RGL3: variants seen among roughly 807,000 people sequenced by gnomAD.
RGL3 encodes ral guanine nucleotide dissociation stimulator-like 3.
RGL3 carries 85 observed loss-of-function variants against 90.6 expected under a neutral mutation model. That is an observed-to-expected ratio of 0.94 (90% CI 0.79 to 1.12). The LOEUF is 1.12. Among genes scored for constraint, RGL3 ranks in the 50% most tolerant of loss-of-function variants. RGL3 has a pLI of 0.00. For missense variants in RGL3, 1,034 were observed against 939.2 expected (o/e 1.10, Z -1.32); for synonymous variants, 408 against 385.5 (o/e 1.06, Z -0.68).
intron 2 of RGL3, 82 bp downstream of exon 2, chr19:11,418,589 T>A (rs1422468023): frequency 1.8e-6 from 2 of 1,106,012 alleles, no homozygotes; most frequent in East Asian, 5.8e-5. Context: ...CCACTGCACC[T>A]GGCGGCCTGT....
chr19:11,405,496 T>A, intron 7 of RGL3, 70 bp from the exon 8 acceptor site: 1 of 74,728 alleles, frequency 1.3e-5, no homozygotes. Context: ...TTCTTCATCT[T>A]TTTTTTTTTT....
chr19:11,400,257 A>G lies in RGL3; in HGVS notation c.1525T>C (p.Cys509Arg). The G allele has an allele frequency of 6.2e-7, 1 of 1,600,974 alleles. No homozygotes were observed. The highest frequency in any genetic ancestry group is 8.5e-7 in the Non-Finnish European group (1 of 1,173,342). ...SRVIEPPAAS[C>R]PSSPRIRRRI... The stretch of plus-strand genomic sequence containing the variant: ...CGTCGGATGCGTGGGGAGCTGGGGC[A>G]GGAGGCAGCTGGTGGCTCAATGACC... Residue 509 changes from cysteine to arginine, a missense_variant, in exon 14 of 19, where the codon TGC (cysteine) becomes CGC (arginine). Physicochemically the swap from Cys to Arg is radical, Grantham distance 180. Coordinates refer to ENST00000380456, the MANE Select transcript of RGL3 (RefSeq NM_001035223.4).
rs1412395641 is a variant in RGL3, at chr19:11,402,266, T to C, written c.1330-19A>G. On this transcript the variant is annotated intron_variant, in intron 11 of 18. Coordinates refer to ENST00000380456, the MANE Select transcript of RGL3 (RefSeq NM_001035223.4). ...GATCCCCCTGGGGGCAAAGTGTGTC[T>C]GAATTGCAGCACCCAGGGTCAAGGG... The C allele has an allele frequency of 1.9e-6, 3 of 1,612,378 alleles. No individual in the cohort carries two copies. The highest frequency in any genetic ancestry group is 2.5e-6 in the Non-Finnish European group (3 of 1,179,874).
chr19:11,398,344 T>C (rs1313071838), intron 16 of RGL3, among the ~76,000 whole-genome samples: 1 of 152,076 alleles, frequency 6.6e-6, no homozygotes, highest in Non-Finnish European at 1.5e-5. Flanking sequence ...ATTCTTTTCT[T>C]TTTCTTTTCT....
intron 5 of RGL3, among the ~76,000 whole-genome samples, chr19:11,410,180 T>C (rs1438016188): frequency 6.6e-6 from 1 of 151,306 alleles, no homozygotes; most frequent in Non-Finnish European, 1.5e-5. Context: ...TTATTTTTTT[T>C]AGTAGAGATG....
intron 18 of RGL3, among the ~76,000 whole-genome samples, chr19:11,396,091 G>A (rs1400228663): frequency 8.8e-6 from 1 of 113,468 alleles, no homozygotes; most frequent in Admixed American, 1.1e-4. Context: ...ATGCCACCAT[G>A]CTCAGCTAAT....
Position 11,406,574 on chromosome 19 carries a change from G to T in RGL3, c.841C>A (p.Arg281=). 1.9e-6 allele frequency: 3 copies of T among 1,551,392 alleles called. No individual in the cohort carries two copies. In the South Asian group the frequency reaches 3.6e-5, roughly 18 times the overall value. The change falls in exon 7 of 19, where the codon CGG becomes AGG. Residue 281 remains arginine (R), a synonymous_variant. Transcript: ENST00000380456. ...GGGGAGGCGCCTGCAGCCCCCGGCC[G>T]GTCCCTCTGCGACCACACGGAGCCC... ...CLGSVWSQRD[R]PGAAGASPTV...
chr19:11,414,085 A>G (rs1448249782), intron 5 of RGL3, among the ~76,000 whole-genome samples: 7 of 137,378 alleles, frequency 5.1e-5, no homozygotes, highest in Non-Finnish European at 9.3e-5. Flanking sequence ...GCTAGTGGAT[A>G]CCACAGTGAA....
intron 2 of RGL3, 61 bp from the exon 3 acceptor site, chr19:11,417,120 T>A: frequency 8.0e-7 from 1 of 1,250,604 alleles, no homozygotes; most frequent in Non-Finnish European, 1.1e-6. Context: ...ACCCCTTCTC[T>A]AGTCACATTC....
At chr19:11,414,037 C>T (rs1024705832) in intron 5 of RGL3, among the ~76,000 whole-genome samples, 25 of 147,660 alleles carry the variant, frequency 1.7e-4, no homozygotes, top group South Asian at 6.4e-4. Context: ...TGAGCCGCCG[C>T]GCCCAGCCAA....
At chr19:11,417,659 A>G (rs1969027779) in intron 2 of RGL3, among the ~76,000 whole-genome samples, 1 of 151,164 alleles carries the variant, frequency 6.6e-6, no homozygotes, top group South Asian at 2.1e-4. Flanking sequence ...TTTAGTAGAG[A>G]CGGTGTTTCA....
intron 1 of RGL3, 195 bp from the exon 2 acceptor site, chr19:11,418,979 G>C: frequency 1.6e-6 from 1 of 615,246 alleles, no homozygotes. Context: ...AGGTCCTGAG[G>C]ACATGGGGTG....
In RGL3 at chr19:11,399,968, G is replaced by C; in HGVS notation, c.1650-17C>G. On this transcript the variant is annotated splice_polypyrimidine_tract_variant and intron_variant, in intron 15 of 18. Coordinates refer to ENST00000380456, the MANE Select transcript of RGL3 (RefSeq NM_001035223.4). Reference sequence around the variant, plus strand: ...GGGGACACACTGGGGGAGATGCAGAGGCTGAGGTGGGGTGGCTGTGCTGAC... The same window carrying C: ...GGGGACACACTGGGGGAGATGCAGACGCTGAGGTGGGGTGGCTGTGCTGAC... 1 of 1,571,168 alleles carries C rather than the reference G, an allele frequency of 6.4e-7. No individual in the cohort carries two copies. The highest frequency in any genetic ancestry group is 8.6e-7 in the Non-Finnish European group (1 of 1,160,836).
intron 13 of RGL3, among the ~76,000 whole-genome samples, chr19:11,401,002 G>A (rs1968666408): frequency 2.0e-5 from 3 of 151,990 alleles, no homozygotes; most frequent in Non-Finnish European, 2.9e-5. Context: ...TAGTCAAGCT[G>A]GACAGTCAAA....
At chr19:11,415,817 G>T (rs1240259758) in intron 5 of RGL3, 120 bp downstream of exon 5, 2 of 900,778 alleles carry the variant, frequency 2.2e-6, no homozygotes, top group Non-Finnish European at 3.4e-6. Flanking sequence ...AGAAATTGAG[G>T]CTTAGAGTTT....
chr19:11,394,571 C>T, intron 18 of RGL3, 51 bp from the exon 19 acceptor site: 1 of 1,414,642 alleles, frequency 7.1e-7, no homozygotes, highest in Non-Finnish European at 1.0e-6. Context: ...CTTGTGTCAC[C>T]CCCACAGAGG....
intron 2 of RGL3, among the ~76,000 whole-genome samples, chr19:11,417,800 G>C (rs1164130281): frequency 6.6e-6 from 1 of 152,016 alleles, no homozygotes; most frequent in Non-Finnish European, 1.5e-5. Flanking sequence ...TGATTCCTCT[G>C]TCTCCCGGCT....
intron 4 of RGL3, 165 bp from the exon 5 acceptor site, chr19:11,416,313 A>G: frequency 3.1e-6 from 2 of 638,384 alleles, no homozygotes; most frequent in Middle Eastern, 8.4e-4. Flanking sequence ...CAGCCTCCCG[A>G]GTAGCTGGGA....
intron 5 of RGL3, among the ~76,000 whole-genome samples, chr19:11,408,567 A>G (rs1260382377): frequency 6.6e-6 from 1 of 150,978 alleles, no homozygotes; most frequent in Admixed American, 6.6e-5. Flanking sequence ...GCCTGGCGAC[A>G]GAGCGAGACT....
Sources: allele counts gnomAD v4.1 joint callset (sites outside exome capture counted in the v4.1 genomes callset), GRCh38; gene constraint gnomAD v4.1.1; transcripts MANE v1.5; gene names NCBI Gene and HGNC (gene_info 2026-07-23, HGNC 2026-07-21).